The following MET variants were observed in gnomAD, a reference collection of about 807,000 sequenced individuals.
MET encodes hepatocyte growth factor receptor.
MET carries 48 observed loss-of-function variants against 133.1 expected under a neutral mutation model. That is an observed-to-expected ratio of 0.36 (90% confidence interval 0.29 to 0.46). MET has a LOEUF of 0.46. Among genes scored for constraint, MET ranks in the 20% least tolerant of loss-of-function variants. The pLI is 1.00. For missense variants in MET, 1,442 were observed against 1,695.9 expected, an observed-to-expected ratio of 0.85 and a Z score of 2.63; for synonymous variants, 628 against 616.5, an observed-to-expected ratio of 1.02 and a Z score of -0.28.
At chr7:116,681,798 C>T (rs1796370291) in intron 1 of MET, among the ~76,000 whole-genome samples, 1 of 152,128 alleles carries the variant, frequency 6.6e-6, no homozygotes. Context: ...AGACAGCAAG[C>T]CAATATGATC....
In MET at chr7:116,770,909, T is replaced by A. The variant is rs546772153; in HGVS notation, c.2731-589T>A. On this transcript the variant is annotated intron_variant, in intron 12 of 20. Transcript: ENST00000397752. ...ACACAAAAATTAGAAAATCAAAGGCTGAATCATGAGATCAGAGTTGGAATT... is the reference window on the plus strand; with the variant it reads ...ACACAAAAATTAGAAAATCAAAGGCAGAATCATGAGATCAGAGTTGGAATT... Among the ~76,000 whole-genome samples, 6 of 152,272 alleles carry A rather than the reference T, an allele frequency of 3.9e-5. No homozygotes were observed. The East Asian group carries it at 1.2e-3, about 29-fold the overall frequency.
At chr7:116,691,858 A>G (rs1387168803) in intron 1 of MET, among the ~76,000 whole-genome samples, 1 of 152,148 alleles carries the variant, frequency 6.6e-6, no homozygotes, top group Non-Finnish European at 1.5e-5. Context: ...GTGTCAAGAG[A>G]ACAGAGTTCG....
rs1796010473 is a variant in MET at position 116,672,508 on chromosome 7, C to A, written c.-84C>A. On this transcript the variant is annotated 5_prime_UTR_variant, in exon 1 of 21. Transcript: ENST00000397752. The stretch of plus-strand genomic sequence containing the variant: ...CGACAGCTGACTTGCTGAGAGGAGG[C>A]GGGGAGGCGCGGAGCGCGCGTGTGG... 1.0e-5 allele frequency: 4 copies of A among 397,696 alleles called. No individual in the cohort carries two copies. The highest frequency in any genetic ancestry group is 2.1e-5 in the African/African-American group (1 of 48,540). 24.6% of individuals were successfully genotyped at this position (397,696 alleles called of 1,614,324 possible).
At chr7:116,724,858 C>T in intron 2 of MET, 1 of 1,286,530 alleles carries the variant, frequency 7.8e-7, no homozygotes, top group South Asian at 1.2e-5. Flanking sequence ...GTAATGTGAA[C>T]ACTCAGTGCC....
chr7:116,764,571 C>T (rs1024398461), intron 11 of MET, among the ~76,000 whole-genome samples: 4 of 152,038 alleles, frequency 2.6e-5, no homozygotes, highest in South Asian at 2.1e-4. Context: ...TAGAGATAAA[C>T]GGTTCTTTAT....
chr7:116,782,231 G>A lies in MET; in HGVS notation c.3632+134G>A, dbSNP rs190373292. ...TTTATTTCTGTTACAATCTTAAATCGATGTGTAAGCCCTGGGGATGTGGGT... is the reference window on the plus strand; with the variant it reads ...TTTATTTCTGTTACAATCTTAAATCAATGTGTAAGCCCTGGGGATGTGGGT... On this transcript the variant is annotated intron_variant, in intron 18 of 20. Transcript: ENST00000397752. The A allele has an allele frequency of 1.4e-4, 101 of 723,002 alleles. No homozygotes were observed. In the East Asian group the frequency reaches 2.2e-3, roughly 16 times the overall value. The allele number at this position is 723,002 out of a possible 1,614,324, so 44.8% of individuals were successfully genotyped here. A position where few individuals can be genotyped will look rare whatever the true frequency, so the allele number is the denominator to read the frequency against.
At chr7:116,774,619 C>A (rs1251701514) in intron 14 of MET, among the ~76,000 whole-genome samples, 9 of 152,078 alleles carry the variant, frequency 5.9e-5, no homozygotes, top group Non-Finnish European at 8.8e-5. Flanking sequence ...CAAAAATAAA[C>A]CATAAGCATG....
At chr7:116,787,298 G>A (rs1333908313) in intron 19 of MET, among the ~76,000 whole-genome samples, 1 of 152,110 alleles carries the variant, frequency 6.6e-6, no homozygotes, top group African/African-American at 2.4e-5. Context: ...CAGACTTGAG[G>A]GTTAGTCTGC....
At chr7:116,775,215 C>A in intron 15 of MET, 104 bp downstream of exon 15, 1 of 981,026 alleles carries the variant, frequency 1.0e-6, no homozygotes, top group Non-Finnish European at 1.6e-6. Context: ...AAGCAACTGA[C>A]AGAGCAGTGA....
At chr7:116,736,176 C>T (rs1328836205) in intron 3 of MET, among the ~76,000 whole-genome samples, 2 of 151,836 alleles carry the variant, frequency 1.3e-5, no homozygotes, top group African/African-American at 4.8e-5. Context: ...CAGTTATGTC[C>T]ATAACTAAAA....
intron 1 of MET, chr7:116,695,678 G>A (rs552067474): frequency 9.8e-6 from 4 of 407,638 alleles, no homozygotes; most frequent in African/African-American, 4.1e-5. Flanking sequence ...ATTGAATCTT[G>A]GTTCTAACTG....
chr7:116,675,301 T>G (rs1181733200), intron 1 of MET, among the ~76,000 whole-genome samples: 1 of 152,162 alleles, frequency 6.6e-6, no homozygotes, highest in African/African-American at 2.4e-5. Flanking sequence ...CCTTGAGAAG[T>G]TTATGATCTA....
intron 1 of MET, among the ~76,000 whole-genome samples, chr7:116,692,957 A>G (rs752021129): frequency 5.3e-5 from 8 of 152,232 alleles, no homozygotes; most frequent in Non-Finnish European, 1.2e-4. Context: ...TAACAGAAAC[A>G]GTGAAAAGAC....
In MET at chr7:116,699,756, T is replaced by C. The variant is rs2116594941; in HGVS notation, c.672T>C (p.Asp224=). 1 of 1,614,130 alleles carries C rather than the reference T, an allele frequency of 6.2e-7. No homozygotes were observed. The highest frequency in any genetic ancestry group is 8.5e-7 in the Non-Finnish European group (1 of 1,179,978). The change falls in exon 2 of 21, where the codon GAT becomes GAC. Residue 224 remains aspartate (D), a synonymous_variant. Coordinates refer to ENST00000397752, the MANE Select transcript of MET (RefSeq NM_000245.4). ...ISVRRLKETK[D]GFMFLTDQSY... ...TGAGAAGGCTAAAGGAAACGAAAGA[T>C]GGTTTTATGTTTTTGACGGACCAGT...
intron 15 of MET, among the ~76,000 whole-genome samples, chr7:116,776,548 A>G (rs1297187515): frequency 2.0e-5 from 3 of 152,210 alleles, no homozygotes; most frequent in African/African-American, 7.2e-5. Flanking sequence ...CTATGTATTT[A>G]TATGTTTTTC....
At chr7:116,791,182 G>A (rs781180945) in intron 19 of MET, among the ~76,000 whole-genome samples, 5 of 152,156 alleles carry the variant, frequency 3.3e-5, no homozygotes, top group African/African-American at 4.8e-5. Flanking sequence ...TTCTGTGAAC[G>A]TAATTTTTAT....
chr7:116,771,678 T>A (rs1407216678), intron 13 of MET, 24 bp downstream of exon 13: 1 of 1,613,276 alleles, frequency 6.2e-7, no homozygotes, highest in South Asian at 1.1e-5. Context: ...ACTGTTCATT[T>A]TTAGAAGTTA....
At chr7:116,690,575 T>C (rs1465023725) in intron 1 of MET, among the ~76,000 whole-genome samples, 2 of 152,222 alleles carry the variant, frequency 1.3e-5, no homozygotes, top group Non-Finnish European at 2.9e-5. Flanking sequence ...ATTTTTGACA[T>C]GGCCTATTGT....
chr7:116,697,534 T>C (rs1797005318), intron 1 of MET, among the ~76,000 whole-genome samples: 1 of 152,210 alleles, frequency 6.6e-6, no homozygotes, highest in Non-Finnish European at 1.5e-5. Context: ...TATTTTTGAT[T>C]TGGAGTCAAA....
Sources: gnomAD v4.1 joint callset for allele counts (sites outside exome capture counted in the v4.1 genomes callset) on GRCh38, gnomAD v4.1.1 for gene constraint, MANE v1.5 for transcripts, NCBI Gene and HGNC (gene_info 2026-07-23, HGNC 2026-07-21) for gene names.